AKAP6: variants seen among roughly 807,000 people sequenced by gnomAD.
AKAP6 encodes A-kinase anchor protein 6.
A neutral mutation model predicts 188.5 loss-of-function variants in AKAP6; 58 were observed. The ratio of observed to expected loss-of-function variants is 0.31; its 90% CI spans 0.25 to 0.38. The LOEUF is 0.38. AKAP6 is among the 10% of genes least tolerant of loss of function. The probability of loss-of-function intolerance (pLI) is 1.00; values close to 1 mark genes in which losing one functional copy is unlikely to be tolerated. For missense variants in AKAP6, 2,710 were observed against 2,740.0 expected (o/e 0.99, Z 0.24); for synonymous variants, 989 against 998.6 (o/e 0.99, Z 0.18).
At chr14:32,576,501 CG>C (rs1166245497) in intron 4 of AKAP6, among the ~76,000 whole-genome samples, 7 of 152,094 alleles carry the variant, frequency 4.6e-5, no homozygotes, top group Non-Finnish European at 8.8e-5. Context: ...TGTACATACC[CG>C]AAGTCAAGTA....
At position 32,735,678 on chromosome 14, in the gene AKAP6, C is replaced by G. The variant is rs199940158; in HGVS notation, c.3168C>G (p.Ile1056Met). 5.6e-6 allele frequency: 9 copies of G among 1,607,040 alleles called. No individual in the cohort carries two copies. The highest frequency in any genetic ancestry group is 1.7e-5 in the Admixed American group (1 of 58,326). The change falls in exon 11 of 14, where the codon ATC (isoleucine) becomes ATG (methionine). Residue 1056 changes from isoleucine to methionine, a missense_variant. By Grantham distance (10) the Ile-to-Met change is conservative. This residue lies in a region of AKAP6 where 2,473 missense variants were observed against 2,426.1 expected (regional missense o/e 1.02). Transcript: ENST00000280979. Reference protein sequence around the residue: ...ELLGKTLGEKIQDTMAGHSGS... With the variant: ...ELLGKTLGEKMQDTMAGHSGS... ...ATTAGAAAACCCTAGGAGAGAAGATCCAGGACACAATGGCAGGGCACAGTG... is the reference window on the plus strand; with the variant it reads ...ATTAGAAAACCCTAGGAGAGAAGATGCAGGACACAATGGCAGGGCACAGTG...
Position 32,822,566 on chromosome 14 carries a change from A to G in AKAP6, c.4753A>G (p.Asn1585Asp), listed in dbSNP as rs201548317. 2.4e-5 allele frequency: 38 copies of G among 1,613,890 alleles called. No homozygotes were observed. Among genetic ancestry groups the G allele is most frequent in the South Asian group, 1.1e-5 (1 of 91,072 alleles). ...GDLFGLGIFK[N>D]GSDSLQRSTS... ...TTTATTTGGATTGGGCATCTTTAAA[A>G]ATGGCAGTGACAGCCTCCAGCGAAG... is the stretch of plus-strand genomic sequence containing the variant. Residue 1585 changes from asparagine (N) to aspartate (D), a missense_variant, in exon 13 of 14, where the codon AAT becomes GAT. Asn to Asp is a conservative substitution (Grantham distance 23). Around this residue, in one of 2 missense-constraint regions of AKAP6, gnomAD observed 2,473 missense variants for 2,426.1 expected, o/e 1.02. Transcript: ENST00000280979.
intron 1 of AKAP6, among the ~76,000 whole-genome samples, chr14:32,414,591 T>C (rs1889597024): frequency 1.3e-5 from 2 of 152,192 alleles, no homozygotes. Flanking sequence ...CTGAATGAAT[T>C]GGTCTTTTTG....
At chr14:32,665,731 C>G (rs1888906278) in intron 7 of AKAP6, among the ~76,000 whole-genome samples, 1 of 152,126 alleles carries the variant, frequency 6.6e-6, no homozygotes, top group African/African-American at 2.4e-5. Flanking sequence ...AGAGGCTGCC[C>G]CTGAGGCCTA....
intron 2 of AKAP6, among the ~76,000 whole-genome samples, chr14:32,458,065 G>A (rs1489165461): frequency 6.6e-6 from 1 of 152,082 alleles, no homozygotes; most frequent in African/African-American, 2.4e-5. Context: ...ATACATATAA[G>A]TATATAAAAG....
Position 32,823,879 on chromosome 14 carries a change from T to G in AKAP6, c.6066T>G (p.Leu2022=). Residue 2022 remains leucine (L), a synonymous_variant, in exon 13 of 14, where the codon CTT becomes CTG. Coordinates refer to ENST00000280979, the MANE Select transcript of AKAP6 (RefSeq NM_004274.5). ...AATCTGCTGGTTGTTGCCTAGCACT[T>G]GAACAAAACGGAACAGAGGAAAATG... ...AGKSAGCCLA[L]EQNGTEENAS... is the part of the protein sequence containing the mutation. The G allele has an allele frequency of 6.2e-7, 1 of 1,613,860 alleles. No homozygotes were observed. The highest frequency in any genetic ancestry group is 8.5e-7 in the Non-Finnish European group (1 of 1,179,918).
At chr14:32,344,110 C>T (rs1035289544) in intron 1 of AKAP6, among the ~76,000 whole-genome samples, 1 of 152,176 alleles carries the variant, frequency 6.6e-6, no homozygotes, top group African/African-American at 2.4e-5. Flanking sequence ...ACCTACTCTC[C>T]CTGTGTTCCC....
At chr14:32,384,654 T>C (rs934604469) in intron 1 of AKAP6, among the ~76,000 whole-genome samples, 1 of 152,200 alleles carries the variant, frequency 6.6e-6, no homozygotes, top group African/African-American at 2.4e-5. Flanking sequence ...GTGTCTCTGA[T>C]GCATTGGTTT....
At chr14:32,726,976 A>G (rs2030904933) in intron 9 of AKAP6, among the ~76,000 whole-genome samples, 2 of 152,230 alleles carry the variant, frequency 1.3e-5, no homozygotes. Flanking sequence ...AGTAGTGGAT[A>G]TGCCCTAAAC....
chr14:32,797,821 A>G (rs990961159), intron 12 of AKAP6, among the ~76,000 whole-genome samples: 1 of 151,886 alleles, frequency 6.6e-6, no homozygotes, highest in South Asian at 2.1e-4. Context: ...AACACAGTAA[A>G]TGCCTTTCTG....
chr14:32,346,633 C>G (rs557152658), intron 1 of AKAP6, among the ~76,000 whole-genome samples: 9 of 152,284 alleles, frequency 5.9e-5, no homozygotes, highest in African/African-American at 2.2e-4. Flanking sequence ...CTCAGCCTCC[C>G]GAGTAGCTGG....
Position 32,822,605 on chromosome 14 carries a change from A to T in AKAP6, c.4792A>T (p.Ser1598Cys). Residue 1598 changes from serine (S) to cysteine (C), a missense_variant, in exon 13 of 14, where the codon AGT (serine) becomes TGT (cysteine). Ser to Cys is a moderately radical substitution (Grantham distance 112). Around this residue, in one of 2 missense-constraint regions of AKAP6, gnomAD observed 2,473 missense variants for 2,426.1 expected, o/e 1.02. Transcript: ENST00000280979. ...DSLQRSTSLE[S>C]WLTSYKSNED... Reference sequence around the variant, plus strand: ...CCTCCAGCGAAGCACTTCTTTAGAAAGTTGGTTGACTTCCTATAAAAGCAA... The same window carrying T: ...CCTCCAGCGAAGCACTTCTTTAGAATGTTGGTTGACTTCCTATAAAAGCAA... 5 of 1,614,002 alleles carry T rather than the reference A, an allele frequency of 3.1e-6. No homozygotes were observed. The highest frequency in any genetic ancestry group is 4.2e-6 in the Non-Finnish European group (5 of 1,179,952).
At chr14:32,755,700 G>A (rs1411461327) in intron 11 of AKAP6, among the ~76,000 whole-genome samples, 10 of 152,070 alleles carry the variant, frequency 6.6e-5, no homozygotes, top group South Asian at 6.2e-4. Context: ...GCAACTTTTT[G>A]AATTTTTTGT....
chr14:32,614,339 A>G (rs1886468478), intron 7 of AKAP6, among the ~76,000 whole-genome samples: 2 of 152,202 alleles, frequency 1.3e-5, no homozygotes, highest in African/African-American at 4.8e-5. Context: ...CACAAAAGGG[A>G]AATCAGGTAG....
rs148114331 is a variant in AKAP6 at position 32,803,921 on chromosome 14, T to C, written c.3589-17481T>C. 2.6e-3 allele frequency among the ~76,000 whole-genome samples: 392 copies of C among 152,350 alleles called. 3 individuals are homozygous for C. Among genetic ancestry groups the C allele is most frequent in the African/African-American group, 9.1e-3 (377 of 41,586 alleles). Reference sequence around the variant, plus strand: ...ATCTCTTCAATCTTTCCCAAGATCATGGGTCATCCTTGGCAACTCACTCAT... The same window carrying C: ...ATCTCTTCAATCTTTCCCAAGATCACGGGTCATCCTTGGCAACTCACTCAT... On this transcript the variant is annotated intron_variant, in intron 12 of 13. Coordinates refer to ENST00000280979, the MANE Select transcript of AKAP6 (RefSeq NM_004274.5).
chr14:32,771,146 T>C (rs1238861007), intron 11 of AKAP6, among the ~76,000 whole-genome samples: 2 of 152,204 alleles, frequency 1.3e-5, no homozygotes, highest in Non-Finnish European at 2.9e-5. Flanking sequence ...ATGGCTGTCA[T>C]GGAAGCCCAT....
Position 32,478,928 on chromosome 14 carries a change from G to A in AKAP6, c.324+45111G>A, listed in dbSNP as rs1302271655. ...AATAAAATTAGTATCCACAAAGAAA[G>A]AGATAGTCTTAAATTAGAGGGAGCT... On this transcript the variant is annotated intron_variant, in intron 2 of 13. Transcript: ENST00000280979. Among the ~76,000 whole-genome samples, 3 of 152,142 alleles carry A rather than the reference G, an allele frequency of 2.0e-5. No individual in the cohort carries two copies. The East Asian group carries it at 5.8e-4, about 29-fold the overall frequency.
At chr14:32,604,766 A>G (rs546392985) in intron 7 of AKAP6, among the ~76,000 whole-genome samples, 86 of 152,144 alleles carry the variant, frequency 5.7e-4, no homozygotes, top group Non-Finnish European at 1.0e-3. Flanking sequence ...GCTTTAGAAC[A>G]GCACCTAGCA....
intron 12 of AKAP6, among the ~76,000 whole-genome samples, chr14:32,792,695 C>G (rs1428202113): frequency 6.6e-6 from 1 of 152,142 alleles, no homozygotes; most frequent in East Asian, 1.9e-4. Context: ...TTGTCTTATG[C>G]TGGTTTTCAA....
Sources: allele counts gnomAD v4.1 joint callset (sites outside exome capture counted in the v4.1 genomes callset), GRCh38; gene constraint gnomAD v4.1.1; regional missense constraint gnomAD v4.1.1; transcripts MANE v1.5; gene names NCBI Gene and HGNC (gene_info 2026-07-23, HGNC 2026-07-21).